The following DYM variants were observed in gnomAD, a reference collection of about 807,000 sequenced individuals.
The protein encoded by DYM is dymeclin, also known as dyggve-Melchior-Clausen syndrome protein.
Under a neutral mutation model 93.1 loss-of-function variants are expected in DYM, and 78 were observed. The ratio of observed to expected loss-of-function variants is 0.84; its 90% confidence interval spans 0.70 to 1.01. DYM has a LOEUF of 1.01. DYM is among the 50% of genes least tolerant of loss of function. The pLI is 0.00. For missense variants in DYM, 789 were observed against 845.0 expected, an observed-to-expected ratio of 0.93 and a Z score of 0.82; for synonymous variants, 321 against 319.7, an observed-to-expected ratio of 1.00 and a Z score of -0.04.
chr18:49,107,266 T>C (rs527686706), intron 16 of DYM, among the ~76,000 whole-genome samples: 30 of 152,368 alleles, frequency 2.0e-4, no homozygotes, highest in African/African-American at 7.2e-4. Flanking sequence ...TTAGGTCCTT[T>C]AAGGACTTCT....
intron 16 of DYM, among the ~76,000 whole-genome samples, chr18:49,109,840 C>T (rs182303597): frequency 1.3e-5 from 2 of 152,344 alleles, no homozygotes; most frequent in Admixed American, 1.3e-4. Context: ...GAGCAAAGGA[C>T]AGTCAGTGCC....
At position 49,184,621 on chromosome 18, in the gene DYM, A is replaced by T. The variant is rs1011065711; in HGVS notation, c.1626-20834T>A. Among the ~76,000 whole-genome samples the T allele has an allele frequency of 2.0e-5, 3 of 152,194 alleles. No individual in the cohort carries two copies. The South Asian group carries it at 6.2e-4, about 32-fold the overall frequency. On this transcript the variant is annotated intron_variant, in intron 14 of 17. Coordinates refer to ENST00000675505, the MANE Select transcript of DYM (RefSeq NM_001353214.3). ...CTGATAACTGAGATGGCTGCTAAGT[A>T]ATGGCTGTTAAGTGACTAATGGGCA...
At chr18:49,426,881 C>G (rs1336566287) in intron 2 of DYM, among the ~76,000 whole-genome samples, 3 of 151,726 alleles carry the variant, frequency 2.0e-5, no homozygotes, top group African/African-American at 7.3e-5. Context: ...TACACCAACC[C>G]CTTCCTGAAA....
chr18:49,238,420 T>C (rs761907682), intron 13 of DYM, among the ~76,000 whole-genome samples: 10 of 151,756 alleles, frequency 6.6e-5, no homozygotes, highest in Non-Finnish European at 1.2e-4. Context: ...ATTAATTAGC[T>C]ATGTATTAAT....
intron 8 of DYM, among the ~76,000 whole-genome samples, chr18:49,300,045 A>G (rs1446785914): frequency 4.2e-5 from 6 of 141,816 alleles, no homozygotes; most frequent in Non-Finnish European, 6.1e-5. Context: ...CCGTCTCGAG[A>G]AAAAAAAAAA....
At chr18:49,353,912 T>C (rs921515677) in intron 6 of DYM, among the ~76,000 whole-genome samples, 1 of 152,058 alleles carries the variant, frequency 6.6e-6, no homozygotes, top group Non-Finnish European at 1.5e-5. Flanking sequence ...TAGTAACTTG[T>C]AGTAACACAA....
chr18:49,223,552 G>A (rs1254096277), intron 13 of DYM, among the ~76,000 whole-genome samples: 1 of 152,042 alleles, frequency 6.6e-6, no homozygotes, highest in African/African-American at 2.4e-5. Context: ...GGCATAATGT[G>A]AATATGGGTT....
chr18:49,254,407 G>T (rs2094351762), intron 13 of DYM, among the ~76,000 whole-genome samples: 2 of 150,046 alleles, frequency 1.3e-5, no homozygotes, highest in Non-Finnish European at 3.0e-5. Context: ...TATTTATTTT[G>T]ATACTTCTTG....
intron 8 of DYM, among the ~76,000 whole-genome samples, chr18:49,294,057 A>C (rs899396676): frequency 6.6e-6 from 1 of 152,168 alleles, no homozygotes; most frequent in Non-Finnish European, 1.5e-5. Context: ...TCCCAACACC[A>C]CTGATTAAAT....
chr18:49,216,254 C>T (rs546454618), intron 13 of DYM, among the ~76,000 whole-genome samples: 1 of 152,180 alleles, frequency 6.6e-6, no homozygotes, highest in Admixed American at 6.5e-5. Context: ...CCGGGAAGCT[C>T]GAACTGGGTA....
intron 15 of DYM, among the ~76,000 whole-genome samples, chr18:49,137,621 T>C (rs1027724293): frequency 1.3e-5 from 2 of 152,202 alleles, no homozygotes; most frequent in East Asian, 1.9e-4. Flanking sequence ...TAATTTAGCA[T>C]TGGATAAAGG....
intron 6 of DYM, among the ~76,000 whole-genome samples, chr18:49,350,898 A>G (rs780283787): frequency 6.6e-6 from 1 of 152,144 alleles, no homozygotes; most frequent in Non-Finnish European, 1.5e-5. Context: ...TAAGTATTTT[A>G]GTACAGAAAT....
intron 2 of DYM, chr18:49,412,007 T>C (rs144480486): frequency 2.6e-5 from 4 of 152,118 alleles, no homozygotes; most frequent in East Asian, 1.9e-4. Context: ...GACCTATTAA[T>C]AGGAAAAAGT....
Position 49,438,116 on chromosome 18 carries a change from G to C in DYM, c.-53-7669C>G, listed in dbSNP as rs192476137. 1.3e-3 allele frequency among the ~76,000 whole-genome samples: 196 copies of C among 152,198 alleles called. 2 individuals are homozygous for C. Among genetic ancestry groups the C allele is most frequent in the Non-Finnish European group, 1.1e-3 (78 of 67,990 alleles). On this transcript the variant is annotated intron_variant, in intron 1 of 17. Transcript: ENST00000675505. ...TTGAGCCCAGGAGTTCGACGCTGCA[G>C]TGAGCCACGTCTACACCACTGCACT... is the stretch of plus-strand genomic sequence containing the variant.
intron 17 of DYM, among the ~76,000 whole-genome samples, chr18:49,051,130 G>A (rs766408451): frequency 6.6e-6 from 1 of 152,210 alleles, no homozygotes; most frequent in Non-Finnish European, 1.5e-5. Flanking sequence ...GGACCTGAGT[G>A]TGCCCTTAGA....
chr18:49,337,559 C>A (rs1467557233), intron 6 of DYM, among the ~76,000 whole-genome samples: 2 of 152,146 alleles, frequency 1.3e-5, no homozygotes, highest in Non-Finnish European at 2.9e-5. Context: ...GTCGATGGAT[C>A]CTGCCTGAGA....
At chr18:49,328,674 A>G (rs1371503054) in intron 8 of DYM, among the ~76,000 whole-genome samples, 1 of 151,712 alleles carries the variant, frequency 6.6e-6, no homozygotes, top group African/African-American at 2.4e-5. Context: ...CAACAGACAC[A>G]TGAAAAAATG....
Position 49,286,522 on chromosome 18 carries a change from C to G in DYM, c.858G>C (p.Leu286=), listed in dbSNP as rs776174444. The change falls in exon 9 of 18, where the codon CTG becomes CTC. Residue 286 remains leucine (L), a synonymous_variant. Coordinates refer to ENST00000675505, the MANE Select transcript of DYM (RefSeq NM_001353214.3). The part of the protein sequence containing the change: ...LSSPLANQSL[L]LLLVLANLTD... ...TCAGATTGGCCAACACCAGCAGAAGCAGGAGACTCTGGTTGGCCAGAGGGG... is the reference window on the plus strand; with the variant it reads ...TCAGATTGGCCAACACCAGCAGAAGGAGGAGACTCTGGTTGGCCAGAGGGG... The G allele has an allele frequency of 2.5e-6, 4 of 1,614,152 alleles. No homozygotes were observed. The Admixed American group carries it at 5.0e-5, about 20-fold the overall frequency.
In DYM at chr18:49,060,037, T is replaced by A. The variant is rs148210431; in HGVS notation, c.2026-15833A>T. 4.0e-4 allele frequency among the ~76,000 whole-genome samples: 61 copies of A among 152,310 alleles called. 1 individual carries two copies. The highest frequency in any genetic ancestry group is 1.4e-3 in the African/African-American group (58 of 41,556). ...CATTTAATAAAAATATGAAATATGGTCCCTGCCCTTAAGGATCTTAACATT... is the reference window on the plus strand; with the variant it reads ...CATTTAATAAAAATATGAAATATGGACCCTGCCCTTAAGGATCTTAACATT... On this transcript the variant is annotated intron_variant, in intron 17 of 17. Transcript: ENST00000675505.
Sources: allele counts gnomAD v4.1 joint callset (sites outside exome capture counted in the v4.1 genomes callset), GRCh38; gene constraint gnomAD v4.1.1; transcripts MANE v1.5; gene names NCBI Gene and HGNC (gene_info 2026-07-23, HGNC 2026-07-21).